SLC31A1: variants seen among roughly 807,000 people sequenced by gnomAD.
SLC31A1 encodes high affinity copper uptake protein 1.
In SLC31A1, 5 loss-of-function variants were observed where a neutral mutation model predicts 17.2. That is an observed-to-expected ratio of 0.29 (90% confidence interval 0.15 to 0.61). The LOEUF (loss-of-function observed/expected upper bound fraction) is 0.61, where lower values mean the gene tolerates loss of function less well. Ranked by LOEUF, SLC31A1 falls within the 20% of genes least tolerant of loss-of-function variation. The pLI is 0.86. For synonymous variants in SLC31A1, 76 were observed against 78.8 expected (o/e 0.96, Z 0.19); for missense variants, 161 against 241.4 (o/e 0.67, Z 2.21).
intron 1 of SLC31A1, among the ~76,000 whole-genome samples, chr9:113,230,874 C>T (rs1304157328): frequency 6.6e-6 from 1 of 152,158 alleles, no homozygotes; most frequent in African/African-American, 2.4e-5. Flanking sequence ...CTCCCCATCT[C>T]ACCTCCCTCA....
chr9:113,246,759 C>T (rs1008591312), intron 1 of SLC31A1, among the ~76,000 whole-genome samples: 13 of 152,158 alleles, frequency 8.5e-5, no homozygotes, highest in African/African-American at 3.1e-4. Context: ...TCCACATTAT[C>T]GTGCCTCAGC....
chr9:113,257,908 G>A (rs1831746093), intron 3 of SLC31A1, among the ~76,000 whole-genome samples: 1 of 152,158 alleles, frequency 6.6e-6, no homozygotes, highest in Admixed American at 6.5e-5. Context: ...TAAATTAAGT[G>A]CCACAAATTG....
chr9:113,222,679 A>T (rs1256439021), intron 1 of SLC31A1, among the ~76,000 whole-genome samples: 1 of 152,206 alleles, frequency 6.6e-6, no homozygotes, highest in Non-Finnish European at 1.5e-5. Context: ...CCTGGCAAAG[A>T]TGTTAAAGCA....
chr9:113,238,447 G>A (rs1303985956), intron 1 of SLC31A1, among the ~76,000 whole-genome samples: 15 of 152,160 alleles, frequency 9.9e-5, no homozygotes, highest in Non-Finnish European at 2.9e-5. Flanking sequence ...TTTTCACTAT[G>A]TCTAAAGCAG....
chr9:113,245,773 G>A (rs1442675103), intron 1 of SLC31A1, among the ~76,000 whole-genome samples: 1 of 151,438 alleles, frequency 6.6e-6, no homozygotes, highest in African/African-American at 2.4e-5. Flanking sequence ...TTGAGACTAC[G>A]GGCACACATC....
chr9:113,263,333 GA>G lies in SLC31A1; in HGVS notation c.*2865del, dbSNP rs1360656521. The G allele has an allele frequency of 6.6e-6, 1 of 152,244 alleles. No homozygotes were observed. The highest frequency in any genetic ancestry group is 1.9e-4 in the East Asian group (1 of 5,194). 9.4% of individuals were successfully genotyped at this position (152,244 alleles called of 1,614,324 possible). A position where few individuals can be genotyped will look rare whatever the true frequency, so the allele number is the denominator to read the frequency against. ...GCCAAAGGATGAAGCTAGTGAAGGAGAAAAAGCTTAAATTCCATCTTGAGCT... is the reference window on the plus strand; with the variant it reads ...GCCAAAGGATGAAGCTAGTGAAGGAGAAAAGCTTAAATTCCATCTTGAGCT... On this transcript the variant is annotated 3_prime_UTR_variant, in exon 5 of 5. Coordinates refer to ENST00000374212, the MANE Select transcript of SLC31A1 (RefSeq NM_001859.4).
At chr9:113,251,554 A>G (rs1831653879) in intron 1 of SLC31A1, among the ~76,000 whole-genome samples, 1 of 152,254 alleles carries the variant, frequency 6.6e-6, no homozygotes, top group Admixed American at 6.5e-5. Flanking sequence ...ACCAAAGGAA[A>G]CAGGCTAAAA....
At chr9:113,224,756 G>A (rs1448810245) in intron 1 of SLC31A1, among the ~76,000 whole-genome samples, 2 of 152,168 alleles carry the variant, frequency 1.3e-5, no homozygotes, top group Admixed American at 6.5e-5. Flanking sequence ...CTGGTCTTTC[G>A]AAAGCATTCA....
chr9:113,263,754 A>T lies in SLC31A1; in HGVS notation c.*3281A>T, dbSNP rs10981707. Reference sequence around the variant, plus strand: ...ACCCTTCCCAGAGTTACAGAATCTTAGGTGCCGTCTCTAGTCTGTGAGGGA... The same window carrying T: ...ACCCTTCCCAGAGTTACAGAATCTTTGGTGCCGTCTCTAGTCTGTGAGGGA... On this transcript the variant is annotated 3_prime_UTR_variant, in exon 5 of 5. Transcript: ENST00000374212. 1 of 152,366 alleles carries T rather than the reference A, an allele frequency of 6.6e-6. No individual in the cohort carries two copies. The highest frequency in any genetic ancestry group is 1.5e-5 in the Non-Finnish European group (1 of 67,982). 9.4% of individuals were successfully genotyped at this position (152,366 alleles called of 1,614,324 possible). A position where few individuals can be genotyped will look rare whatever the true frequency, so the allele number is the denominator to read the frequency against.
At chr9:113,244,885 A>G (rs1241864324) in intron 1 of SLC31A1, among the ~76,000 whole-genome samples, 1 of 152,204 alleles carries the variant, frequency 6.6e-6, no homozygotes, top group Non-Finnish European at 1.5e-5. Context: ...GGGGAGAACA[A>G]TATGTGTTTG....
intron 1 of SLC31A1, among the ~76,000 whole-genome samples, chr9:113,237,902 A>G (rs1831479684): frequency 6.6e-6 from 1 of 152,254 alleles, no homozygotes; most frequent in Admixed American, 6.5e-5. Context: ...ATTAGACTGC[A>G]TATAGCCTTT....
intron 1 of SLC31A1, chr9:113,223,150 T>C (rs1052503166): frequency 2.6e-6 from 1 of 380,034 alleles, no homozygotes; most frequent in African/African-American, 2.1e-5. Context: ...TTAAGTAGCT[T>C]TTGTAGGTAC....
chr9:113,225,661 C>T (rs1008796248), intron 1 of SLC31A1, among the ~76,000 whole-genome samples: 13 of 152,110 alleles, frequency 8.5e-5, no homozygotes, highest in African/African-American at 3.1e-4. Context: ...AATGAAATGA[C>T]TGTTTTGAAA....
At chr9:113,229,491 T>C (rs1831379421) in intron 1 of SLC31A1, among the ~76,000 whole-genome samples, 1 of 152,248 alleles carries the variant, frequency 6.6e-6, no homozygotes, top group African/African-American at 2.4e-5. Flanking sequence ...CTCATTCTTA[T>C]TCTGCTAAGT....
chr9:113,240,236 C>G (rs181949075), intron 1 of SLC31A1, among the ~76,000 whole-genome samples: 2 of 152,126 alleles, frequency 1.3e-5, no homozygotes, highest in African/African-American at 4.8e-5. Context: ...ACTGAGAGAG[C>G]CTTCTTCCTC....
chr9:113,223,394 C>G (rs896389681), intron 1 of SLC31A1: 6 of 331,182 alleles, frequency 1.8e-5, no homozygotes, highest in African/African-American at 1.3e-4. Flanking sequence ...TAATACTGGA[C>G]TAGGAATCAG....
intron 1 of SLC31A1, among the ~76,000 whole-genome samples, chr9:113,225,509 C>T (rs1831330344): frequency 6.6e-6 from 1 of 152,200 alleles, no homozygotes; most frequent in African/African-American, 2.4e-5. Flanking sequence ...GCCCCTAGAA[C>T]ATGAGGTTGT....
intron 4 of SLC31A1, among the ~76,000 whole-genome samples, chr9:113,259,235 C>G (rs991197884): frequency 6.6e-6 from 1 of 152,174 alleles, no homozygotes; most frequent in Non-Finnish European, 1.5e-5. Flanking sequence ...CAGCCCTGTC[C>G]TCTTTTTCTT....
intron 1 of SLC31A1, among the ~76,000 whole-genome samples, chr9:113,239,930 C>A (rs953299757): frequency 6.6e-6 from 1 of 152,200 alleles, no homozygotes; most frequent in Non-Finnish European, 1.5e-5. Flanking sequence ...ACCTCATTAG[C>A]CTCTCCTCCG....
Sources: gnomAD v4.1 joint callset for allele counts (sites outside exome capture counted in the v4.1 genomes callset) on GRCh38, gnomAD v4.1.1 for gene constraint, MANE v1.5 for transcripts, NCBI Gene and HGNC (gene_info 2026-07-23, HGNC 2026-07-21) for gene names.